The following PTPRD variants were observed in gnomAD, a reference collection of about 807,000 sequenced individuals.
The protein encoded by PTPRD is receptor-type tyrosine-protein phosphatase delta.
PTPRD carries 34 observed loss-of-function variants against 214.5 expected under a neutral mutation model. That is an observed-to-expected ratio of 0.16 (90% CI 0.12 to 0.21). The LOEUF is 0.21. Ranked by LOEUF, PTPRD falls within the 10% of genes least tolerant of loss-of-function variation. PTPRD has a pLI of 1.00. For synonymous variants in PTPRD, 1,128 were observed against 845.7 expected, an observed-to-expected ratio of 1.33 and a Z score of -5.79; for missense variants, 2,545 against 2,398.7, an observed-to-expected ratio of 1.06 and a Z score of -1.27.
intron 9 of PTPRD, among the ~76,000 whole-genome samples, chr9:9,312,453 G>A (rs1959356974): frequency 6.6e-6 from 1 of 152,134 alleles, no homozygotes; most frequent in East Asian, 1.9e-4. Flanking sequence ...ATGTAGAAGA[G>A]AAAAAAATGT....
rs190391783 is a variant in PTPRD, at chr9:10,012,828, T to C, written c.-472+20890A>G. On this transcript the variant is annotated intron_variant, in intron 4 of 45. Coordinates refer to ENST00000381196, the MANE Select transcript of PTPRD (RefSeq NM_002839.4). ...GGTATTGAATCATATGTAATTGGGA[T>C]AGCTGCTTAGAAGGTAAACTCCAAA... Among the ~76,000 whole-genome samples the C allele has an allele frequency of 2.8e-3, 420 of 152,046 alleles. 2 individuals carry two copies. The highest frequency in any genetic ancestry group is 9.5e-3 in the African/African-American group (396 of 41,530).
chr9:10,458,842 A>G (rs1588629811), intron 2 of PTPRD, among the ~76,000 whole-genome samples: 1 of 152,336 alleles, frequency 6.6e-6, no homozygotes, highest in East Asian at 1.9e-4. Flanking sequence ...AAAGTTGCAG[A>G]ATATAAAATC....
chr9:10,419,883 T>G (rs2098529942), intron 2 of PTPRD, among the ~76,000 whole-genome samples: 1 of 151,816 alleles, frequency 6.6e-6, no homozygotes, highest in South Asian at 2.1e-4. Flanking sequence ...CTTCATATAT[T>G]TATTATTTAT....
chr9:10,573,313 T>C (rs928421713), intron 2 of PTPRD, among the ~76,000 whole-genome samples: 2 of 152,186 alleles, frequency 1.3e-5, no homozygotes, highest in Non-Finnish European at 2.9e-5. Flanking sequence ...TCTATTCCTG[T>C]TTGCGCATGA....
At chr9:10,085,878 G>C (rs752322045) in intron 3 of PTPRD, among the ~76,000 whole-genome samples, 3 of 151,844 alleles carry the variant, frequency 2.0e-5, no homozygotes, top group Non-Finnish European at 4.4e-5. Context: ...TTTCAGGGCA[G>C]TGTGATGAAC....
chr9:10,240,575 C>T (rs1262051973), intron 3 of PTPRD, among the ~76,000 whole-genome samples: 1 of 151,756 alleles, frequency 6.6e-6, no homozygotes, highest in African/African-American at 2.4e-5. Context: ...CACTCATGAA[C>T]ATAGATATAA....
chr9:9,634,258 C>T (rs1427904350), intron 7 of PTPRD, among the ~76,000 whole-genome samples: 1 of 151,974 alleles, frequency 6.6e-6, no homozygotes, highest in Non-Finnish European at 1.5e-5. Context: ...CATTAAAGTA[C>T]CTAAAAACAC....
At chr9:9,599,403 C>T (rs1332112314) in intron 7 of PTPRD, among the ~76,000 whole-genome samples, 1 of 151,994 alleles carries the variant, frequency 6.6e-6, no homozygotes, top group East Asian at 1.9e-4. Context: ...TGCCCTTAAC[C>T]AGGAAGCCTC....
At chr9:10,260,990 ATATATATGTGTATATATG>A (rs1564851613) in intron 3 of PTPRD, among the ~76,000 whole-genome samples, 1 of 140,004 alleles carries the variant, frequency 7.1e-6, no homozygotes, top group Non-Finnish European at 1.5e-5. Context: ...ATATATATGT[ATATATATGTGTATATATG>A]TATATATGTG....
intron 8 of PTPRD, among the ~76,000 whole-genome samples, chr9:9,545,638 C>A (rs990227747): frequency 6.6e-6 from 1 of 151,706 alleles, no homozygotes; most frequent in Non-Finnish European, 1.5e-5. Context: ...TTGGTCTATT[C>A]CTGATTTCTT....
intron 11 of PTPRD, among the ~76,000 whole-genome samples, chr9:8,801,016 T>A (rs909623768): frequency 3.3e-5 from 5 of 152,236 alleles, no homozygotes; most frequent in African/African-American, 1.2e-4. Context: ...TAAGCCTTAG[T>A]TTCTTCATCT....
chr9:10,325,844 G>A (rs577343654), intron 3 of PTPRD, among the ~76,000 whole-genome samples: 1 of 151,880 alleles, frequency 6.6e-6, no homozygotes, highest in Non-Finnish European at 1.5e-5. Flanking sequence ...CAGATGTATA[G>A]TAACAATTTT....
intron 9 of PTPRD, among the ~76,000 whole-genome samples, chr9:9,202,349 T>C (rs191752124): frequency 3.9e-5 from 6 of 152,334 alleles, no homozygotes; most frequent in African/African-American, 1.4e-4. Flanking sequence ...AATATCCTGA[T>C]ATGTTTATGA....
At chr9:9,105,597 C>G (rs897262435) in intron 10 of PTPRD, among the ~76,000 whole-genome samples, 1 of 152,136 alleles carries the variant, frequency 6.6e-6, no homozygotes, top group African/African-American at 2.4e-5. Context: ...GTGGCTCTCA[C>G]AAGATTAGAG....
Position 9,534,726 on chromosome 9 carries a change from G to A in PTPRD, c.-237+40006C>T, listed in dbSNP as rs547665543. 2.6e-5 allele frequency among the ~76,000 whole-genome samples: 4 copies of A among 152,136 alleles called. No homozygotes were observed. In the South Asian group the frequency reaches 6.2e-4, roughly 24 times the overall value. Reference sequence around the variant, plus strand: ...CAGTTCATAAATAGGGTAGAGAAAAGTGGAAACCTCCCTGGAATCATTGTA... The same window carrying A: ...CAGTTCATAAATAGGGTAGAGAAAAATGGAAACCTCCCTGGAATCATTGTA... On this transcript the variant is annotated intron_variant, in intron 8 of 45. Transcript: ENST00000381196.
intron 4 of PTPRD, among the ~76,000 whole-genome samples, chr9:10,033,075 G>T: frequency 6.6e-6 from 1 of 151,182 alleles, no homozygotes; most frequent in East Asian, 2.0e-4. Flanking sequence ...ATTTTAAGGA[G>T]CATGTAAGTG....
intron 11 of PTPRD, among the ~76,000 whole-genome samples, chr9:8,979,239 G>A (rs1567369025): frequency 6.6e-6 from 1 of 152,076 alleles, no homozygotes. Context: ...GAAATATTCA[G>A]AAGTTCTCTG....
At position 10,244,213 on chromosome 9, in the gene PTPRD, T is replaced by C. The variant is rs185211839; in HGVS notation, c.-545+96750A>G. Among the ~76,000 whole-genome samples, 229 of 152,208 alleles carry C rather than the reference T, an allele frequency of 1.5e-3. 1 individual carries two copies. The highest frequency in any genetic ancestry group is 4.4e-3 in the Admixed American group (67 of 15,262). On this transcript the variant is annotated intron_variant, in intron 3 of 45. Coordinates refer to ENST00000381196, the MANE Select transcript of PTPRD (RefSeq NM_002839.4). ...TTGGCCTCCCTTACAGTGTTAGTCATTGTATTCTTTTACATCAAACATACA... is the reference window on the plus strand; with the variant it reads ...TTGGCCTCCCTTACAGTGTTAGTCACTGTATTCTTTTACATCAAACATACA...
chr9:9,166,599 C>T (rs1057420832), intron 10 of PTPRD, among the ~76,000 whole-genome samples: 2 of 152,200 alleles, frequency 1.3e-5, no homozygotes, highest in African/African-American at 2.4e-5. Flanking sequence ...GCCCTCTCCT[C>T]TGCTGCAACA....
Sources: gnomAD v4.1 joint callset for allele counts (sites outside exome capture counted in the v4.1 genomes callset) on GRCh38, gnomAD v4.1.1 for gene constraint, MANE v1.5 for transcripts, NCBI Gene and HGNC (gene_info 2026-07-23, HGNC 2026-07-21) for gene names.